Variants in MAGI1 observed in about 807,000 individuals in gnomAD.
MAGI1 encodes membrane associated guanylate kinase, WW and PDZ domain containing 1.
MAGI1 carries 58 observed loss-of-function variants against 139.9 expected under a neutral mutation model. That is an observed-to-expected ratio of 0.41 (90% CI 0.34 to 0.52). The LOEUF (loss-of-function observed/expected upper bound fraction) is 0.52, where lower values mean the gene tolerates loss of function less well. Among genes scored for constraint, MAGI1 ranks in the 20% least tolerant of loss-of-function variants. The pLI is 0.12. For missense variants in MAGI1, 1,874 were observed against 1,901.6 expected (o/e 0.99, Z 0.27); for synonymous variants, 812 against 737.9 (o/e 1.10, Z -1.63).
chr3:65,560,146 TTAA>T lies in MAGI1; in HGVS notation c.430+61823_430+61825del. ...TATTTAATATCTTCCCACTGTGAAA[TTAA>T]TAATACTATTTTAAGAGAAATATAT... On this transcript the variant is annotated intron_variant, in intron 2 of 22. Transcript: ENST00000402939. Among the ~76,000 whole-genome samples the T allele has an allele frequency of 2.0e-5, 3 of 152,324 alleles. No homozygotes were observed. The East Asian group carries it at 5.8e-4, about 29-fold the overall frequency.
intron 1 of MAGI1, among the ~76,000 whole-genome samples, chr3:65,991,048 G>A (rs925781076): frequency 2.6e-5 from 4 of 151,914 alleles, no homozygotes; most frequent in Admixed American, 2.0e-4. Context: ...CAGCACTTTG[G>A]GAGGCCAAGG....
intron 22 of MAGI1, chr3:65,360,165 A>G (rs1381507532): frequency 2.0e-6 from 2 of 985,212 alleles, no homozygotes; most frequent in Non-Finnish European, 2.4e-6. Context: ...TGAATTAAAC[A>G]TCTCATCAAG....
chr3:65,522,527 A>G (rs2078209763), intron 2 of MAGI1, among the ~76,000 whole-genome samples: 1 of 152,210 alleles, frequency 6.6e-6, no homozygotes, highest in Admixed American at 6.5e-5. Flanking sequence ...GACCCAGTGT[A>G]CAACAACAAA....
chr3:65,859,436 T>C (rs1380822954), intron 1 of MAGI1, among the ~76,000 whole-genome samples: 1 of 146,488 alleles, frequency 6.8e-6, no homozygotes, highest in Non-Finnish European at 1.5e-5. Flanking sequence ...CTTAAAACTT[T>C]AAGGAAGCAG....
intron 2 of MAGI1, among the ~76,000 whole-genome samples, chr3:65,598,908 C>A (rs2082354375): frequency 1.3e-5 from 2 of 152,198 alleles, no homozygotes; most frequent in African/African-American, 4.8e-5. Flanking sequence ...GGTAAGTTTT[C>A]TCTATTTTCA....
At chr3:65,616,842 T>C (rs1260170047) in intron 2 of MAGI1, among the ~76,000 whole-genome samples, 1 of 152,218 alleles carries the variant, frequency 6.6e-6, no homozygotes, top group African/African-American at 2.4e-5. Flanking sequence ...CAGTTCTTTA[T>C]CCTGGACACT....
chr3:65,933,365 C>A (rs1318446763), intron 1 of MAGI1, among the ~76,000 whole-genome samples: 1 of 152,200 alleles, frequency 6.6e-6, no homozygotes, highest in African/African-American at 2.4e-5. Flanking sequence ...GCTTCTGCTT[C>A]TAAAATGGTT....
chr3:65,913,136 C>G (rs2061742074), intron 1 of MAGI1, among the ~76,000 whole-genome samples: 1 of 152,000 alleles, frequency 6.6e-6, no homozygotes, highest in Admixed American at 6.6e-5. Flanking sequence ...TGGTGCACAC[C>G]TGTAATCCCA....
At chr3:65,925,818 T>C (rs1233645319) in intron 1 of MAGI1, among the ~76,000 whole-genome samples, 1 of 152,164 alleles carries the variant, frequency 6.6e-6, no homozygotes, top group Non-Finnish European at 1.5e-5. Context: ...TAGCTAGGAC[T>C]ACAGTCACGA....
At chr3:65,478,209 C>A (rs934717624) in intron 4 of MAGI1, among the ~76,000 whole-genome samples, 2 of 151,940 alleles carry the variant, frequency 1.3e-5, no homozygotes, top group Non-Finnish European at 2.9e-5. Flanking sequence ...TCATATTTTG[C>A]TTCATAGCAA....
At chr3:65,856,811 C>A (rs6764193) in intron 1 of MAGI1, among the ~76,000 whole-genome samples, 55,056 of 152,010 alleles carry the variant, frequency 0.36, 10,519 homozygotes, top group Middle Eastern at 0.45. Flanking sequence ...TCCAGCCAGC[C>A]GCACAAACTA....
chr3:65,429,734 C>T lies in MAGI1; in HGVS notation c.1953G>A (p.Met651Ile), dbSNP rs140177021. The T allele has an allele frequency of 3.7e-5, 59 of 1,613,836 alleles. No individual in the cohort carries two copies. The African/African-American group carries it at 7.5e-4, about 20-fold the overall frequency. The change falls in exon 12 of 23, where the codon ATG becomes ATA. Residue 651 changes from methionine to isoleucine, a missense_variant. Coordinates refer to ENST00000402939, the MANE Select transcript of MAGI1 (RefSeq NM_001033057.2). ...LITVHIVKGP[M>I]GFGFTIADSP... ...TGTCTGCGATAGTAAAACCAAAGCC[C>T]ATTGGCCCTTTGACAATATGAACAG...
intron 1 of MAGI1, among the ~76,000 whole-genome samples, chr3:66,010,895 T>G (rs7648741): frequency 0.24 from 36,146 of 152,030 alleles, 5,732 homozygotes; most frequent in African/African-American, 0.44. Context: ...AGTGCCGTAG[T>G]GGGTACACAG....
At chr3:65,741,937 A>T (rs970935) in intron 1 of MAGI1, among the ~76,000 whole-genome samples, 79,916 of 151,998 alleles carry the variant, frequency 0.53, 22,074 homozygotes, top group East Asian at 0.65. Flanking sequence ...TCATGCCCGG[A>T]ACTAGGTACA....
At chr3:65,782,133 C>T (rs2038983676) in intron 1 of MAGI1, among the ~76,000 whole-genome samples, 1 of 152,068 alleles carries the variant, frequency 6.6e-6, no homozygotes, top group African/African-American at 2.4e-5. Context: ...GAATAATCAC[C>T]CCAAAGATAT....
At chr3:65,576,048 C>G (rs1469795537) in intron 2 of MAGI1, among the ~76,000 whole-genome samples, 2 of 152,084 alleles carry the variant, frequency 1.3e-5, no homozygotes, top group African/African-American at 4.8e-5. Flanking sequence ...TAAGCATGGA[C>G]AGGATATTGT....
At chr3:65,365,556 A>T (rs1167470321) in intron 18 of MAGI1, among the ~76,000 whole-genome samples, 2 of 152,220 alleles carry the variant, frequency 1.3e-5, no homozygotes, top group Non-Finnish European at 2.9e-5. Flanking sequence ...TAATAGCTAT[A>T]TGTTCTTTAC....
chr3:65,624,443 A>G (rs770240483), intron 1 of MAGI1, among the ~76,000 whole-genome samples: 5 of 152,242 alleles, frequency 3.3e-5, no homozygotes, highest in Admixed American at 1.3e-4. Flanking sequence ...CATAGAAATT[A>G]AAAGAAACTA....
intron 1 of MAGI1, among the ~76,000 whole-genome samples, chr3:65,801,275 C>T (rs1196890199): frequency 1.3e-5 from 2 of 152,110 alleles, no homozygotes; most frequent in Non-Finnish European, 2.9e-5. Context: ...GCAGACAATA[C>T]CAATCATTTG....
Sources: gnomAD v4.1 joint callset for allele counts (sites outside exome capture counted in the v4.1 genomes callset) on GRCh38, gnomAD v4.1.1 for gene constraint, MANE v1.5 for transcripts, NCBI Gene and HGNC (gene_info 2026-07-23, HGNC 2026-07-21) for gene names.